PCLAF: variants seen among roughly 807,000 people sequenced by gnomAD.
PCLAF encodes the protein PCNA clamp associated factor.
In PCLAF, 12 loss-of-function variants were observed where a neutral mutation model predicts 15.1. The ratio of observed to expected loss-of-function variants is 0.79; its 90% CI spans 0.51 to 1.29. The LOEUF (loss-of-function observed/expected upper bound fraction) is 1.29. PCLAF is among the 50% of genes most tolerant of loss of function. PCLAF has a pLI of 0.00. For synonymous variants in PCLAF, 33 were observed against 47.1 expected (o/e 0.70, Z 1.22); for missense variants, 116 against 130.9 (o/e 0.89, Z 0.56).
intron 3 of PCLAF, 122 bp from the exon 4 acceptor site, chr15:64,366,197 A>T: frequency 1.9e-6 from 1 of 529,450 alleles, no homozygotes. Flanking sequence ...TCTAATGACT[A>T]GAAATGAAAG....
Position 64,381,335 on chromosome 15 carries a change from A to C in PCLAF, c.37T>G (p.Tyr13Asp). 1 of 1,614,132 alleles carries C rather than the reference A, an allele frequency of 6.2e-7. No homozygotes were observed. The highest frequency in any genetic ancestry group is 8.5e-7 in the Non-Finnish European group (1 of 1,180,012). The change falls in exon 1 of 4, where the codon TAC (tyrosine) becomes GAC (aspartate). Residue 13 changes from tyrosine to aspartate, a missense_variant. Transcript: ENST00000300035. ...CACTCGATCGCCTCACCTTTTCTGT[A>C]AGTGCCTGGAACACTGTCTGCTTTA... ...RTKADSVPGT[Y>D]RKVVAARAPR...
upstream of PCLAF, among the ~76,000 whole-genome samples, chr15:64,385,070 T>G (rs984153586): frequency 2.0e-5 from 3 of 151,960 alleles, no homozygotes; most frequent in African/African-American, 7.3e-5. Flanking sequence ...AGGTTTTTTT[T>G]GTAGAGACAG....
chr15:64,371,858 A>C (rs945235282), intron 3 of PCLAF, among the ~76,000 whole-genome samples: 2 of 152,046 alleles, frequency 1.3e-5, no homozygotes, highest in African/African-American at 4.8e-5. Context: ...TGGCCTCCCA[A>C]AGTGCTGGGA....
intron 2 of PCLAF, 113 bp downstream of exon 2, chr15:64,380,845 C>T (rs1596327974): frequency 5.8e-6 from 5 of 856,902 alleles, no homozygotes; most frequent in Non-Finnish European, 9.1e-6. Context: ...TATTATATCA[C>T]AGGGCAAGGA....
At chr15:64,374,565 C>G (rs2140526666) in intron 3 of PCLAF, among the ~76,000 whole-genome samples, 1 of 151,764 alleles carries the variant, frequency 6.6e-6, no homozygotes, top group South Asian at 2.1e-4. Flanking sequence ...TGCACACTGG[C>G]CAGGTGTGGC....
intron 3 of PCLAF, chr15:64,373,682 G>A (rs988808069): frequency 3.1e-5 from 47 of 1,533,950 alleles, no homozygotes; most frequent in Non-Finnish European, 3.8e-5. Context: ...AATGAGCATC[G>A]CCACCATCCC....
rs1232707850 is a variant in PCLAF at position 64,376,884 on chromosome 15, C to T, written c.149G>A (p.Gly50Glu). The change falls in exon 3 of 4, where the codon GGG (glycine) becomes GAG (glutamate). Residue 50 changes from glycine (G) to glutamate (E), a missense_variant. Physicochemically the swap from Gly to Glu is moderately conservative, Grantham distance 98 (BLOSUM62 -2). Transcript: ENST00000300035. The part of the protein sequence containing the change: ...SRKAENKYAG[G>E]NPVCVRPTPK... ...AGTTGGGCGCACGCAAACGGGGTTC[C>T]CTCCTGCATATTTATTTTCAGCTGT... The T allele has an allele frequency of 1.2e-6, 2 of 1,613,514 alleles. No homozygotes were observed.
intron 2 of PCLAF, among the ~76,000 whole-genome samples, chr15:64,377,773 T>C (rs1462749495): frequency 1.7e-4 from 11 of 65,226 alleles, no homozygotes; most frequent in East Asian, 6.4e-4. Flanking sequence ...TTTTTTTTTT[T>C]CAAAGTCTAG....
chr15:64,387,604 C>CT, exon 1 of PCLAF: 1 of 1,385,546 alleles, frequency 7.2e-7, no homozygotes, highest in South Asian at 1.5e-5. Flanking sequence ...TGCCAATGGC[C>CT]TTCCTCGAGT....
chr15:64,381,527 C>G, upstream of PCLAF: 4 of 1,521,886 alleles, frequency 2.6e-6, no homozygotes, highest in Non-Finnish European at 3.5e-6. Context: ...CCCATTGGTT[C>G]CGCGCCGTTC....
chr15:64,374,079 T>G (rs1899479434), intron 3 of PCLAF, among the ~76,000 whole-genome samples: 1 of 152,146 alleles, frequency 6.6e-6, no homozygotes, highest in South Asian at 2.1e-4. Context: ...GAGAAGAGGT[T>G]TTTACCCAGA....
intron 2 of PCLAF, among the ~76,000 whole-genome samples, chr15:64,377,758 T>G (rs1359876365): frequency 1.3e-4 from 14 of 108,952 alleles, no homozygotes; most frequent in African/African-American, 2.7e-4. Context: ...TTTTTTTTTT[T>G]TTTTTTTTTT....
chr15:64,384,468 C>T (rs146590625), upstream of PCLAF, among the ~76,000 whole-genome samples: 492 of 151,276 alleles, frequency 3.3e-3, 1 homozygote, highest in African/African-American at 0.011. Flanking sequence ...TCTTGGCCGG[C>T]GCAGTGGCTC....
At chr15:64,379,214 C>T (rs1384301837) in intron 2 of PCLAF, among the ~76,000 whole-genome samples, 1 of 152,058 alleles carries the variant, frequency 6.6e-6, no homozygotes, top group South Asian at 2.1e-4. Context: ...TGGTGGCTCA[C>T]GTCTGTAATC....
chr15:64,379,786 C>T (rs1012316981), intron 2 of PCLAF, among the ~76,000 whole-genome samples: 91 of 152,242 alleles, frequency 6.0e-4, no homozygotes, highest in African/African-American at 1.9e-3. Flanking sequence ...ATCTACTCCA[C>T]GCACAGAAGG....
chr15:64,379,351 C>T (rs549705521), intron 2 of PCLAF, among the ~76,000 whole-genome samples: 5 of 151,968 alleles, frequency 3.3e-5, no homozygotes, highest in Admixed American at 6.6e-5. Context: ...TGGTGGCATG[C>T]GCCTACAGTC....
At chr15:64,370,891 A>G (rs2140521752) in intron 3 of PCLAF, among the ~76,000 whole-genome samples, 1 of 130,764 alleles carries the variant, frequency 7.6e-6, no homozygotes, top group East Asian at 2.3e-4. Context: ...AGCATTGTGA[A>G]TTTAATGCAG....
chr15:64,369,531 C>T (rs907811898), intron 3 of PCLAF, among the ~76,000 whole-genome samples: 2 of 152,038 alleles, frequency 1.3e-5, no homozygotes, highest in African/African-American at 2.4e-5. Context: ...TTACTATTTA[C>T]TAAATGAGCT....
At chr15:64,377,757 T>G (rs1294006521) in intron 2 of PCLAF, among the ~76,000 whole-genome samples, 40 of 105,164 alleles carry the variant, frequency 3.8e-4, no homozygotes, top group South Asian at 1.0e-3. Context: ...GTTTTTTTTT[T>G]TTTTTTTTTT....
Sources: gnomAD v4.1 joint callset for allele counts (sites outside exome capture counted in the v4.1 genomes callset) on GRCh38, gnomAD v4.1.1 for gene constraint, MANE v1.5 for transcripts, NCBI Gene and HGNC (gene_info 2026-07-23, HGNC 2026-07-21) for gene names.